Variants in MYO7A observed in about 807,000 individuals in gnomAD.
MYO7A encodes the protein myosin VIIA.
In MYO7A, 210 loss-of-function variants were observed where a neutral mutation model predicts 263.8. The observed-to-expected ratio is 0.80, with a 90% CI of 0.71 to 0.89. MYO7A has a LOEUF of 0.89. Among genes scored for constraint, MYO7A ranks in the 40% least tolerant of loss-of-function variants. The pLI is 0.00. For synonymous variants in MYO7A, 1,239 were observed against 1,197.3 expected (o/e 1.03, Z -0.72); for missense variants, 2,820 against 2,968.3 (o/e 0.95, Z 1.16).
chr11:77,150,820 G>T (rs117207823), intron 4 of MYO7A, among the ~76,000 whole-genome samples: 1 of 152,160 alleles, frequency 6.6e-6, no homozygotes, highest in Non-Finnish European at 1.5e-5. Context: ...TCCTTGACTC[G>T]CTGAGTTCAT....
chr11:77,190,583 G>T, intron 29 of MYO7A, 114 bp from the exon 30 acceptor site: 1 of 1,225,312 alleles, frequency 8.2e-7, no homozygotes, highest in South Asian at 1.4e-5. Context: ...TGAGGTACTG[G>T]GGCCTGGGGT....
chr11:77,208,098 GC>G (rs1957582013), intron 42 of MYO7A, among the ~76,000 whole-genome samples: 1 of 152,256 alleles, frequency 6.6e-6, no homozygotes, highest in Non-Finnish European at 1.5e-5. Flanking sequence ...ACCCAGGGGA[GC>G]CCAGAGCTGC....
intron 4 of MYO7A, among the ~76,000 whole-genome samples, chr11:77,153,774 C>G (rs568590353): frequency 6.6e-6 from 1 of 152,150 alleles, no homozygotes; most frequent in Non-Finnish European, 1.5e-5. Flanking sequence ...TTGCTACCAG[C>G]GGCTGGGCCC....
chr11:77,179,420 A>G (rs1364125192), intron 20 of MYO7A, among the ~76,000 whole-genome samples: 2 of 152,210 alleles, frequency 1.3e-5, no homozygotes, highest in Non-Finnish European at 2.9e-5. Context: ...GCTGGGTCAC[A>G]TGGACCTCTG....
rs79174313 is a variant in MYO7A, at chr11:77,155,687, A to G, written c.286-220A>G. ...AGAGACTCCACCTCCCTCTTCATCA[A>G]ATGTCACTGAGCACTAACTCCGAGC... On this transcript the variant is annotated intron_variant, in intron 4 of 48. Coordinates refer to ENST00000409709, the MANE Select transcript of MYO7A (RefSeq NM_000260.4). Among the ~76,000 whole-genome samples, 338 of 152,348 alleles carry G rather than the reference A, an allele frequency of 2.2e-3. 2 individuals are homozygous for G. Among genetic ancestry groups the G allele is most frequent in the African/African-American group, 7.8e-3 (326 of 41,580 alleles).
intron 2 of MYO7A, among the ~76,000 whole-genome samples, chr11:77,133,153 C>T (rs1319953041): frequency 6.6e-6 from 1 of 152,166 alleles, no homozygotes; most frequent in Admixed American, 6.5e-5. Flanking sequence ...CTTCTGCCCT[C>T]CCTGGGAGAG....
rs1957072020 is a variant in MYO7A, at chr11:77,201,646, G to A, written c.5043+8G>A. On this transcript the variant is annotated splice_region_variant and intron_variant, in intron 36 of 48. Transcript: ENST00000409709. ...CCACCGCGGGAGATTGTGGTATGTG[G>A]CCTGGGGGTGGCAGATGGGTGGGAG... 8.1e-6 allele frequency: 13 copies of A among 1,610,660 alleles called. No individual in the cohort carries two copies. Among genetic ancestry groups the A allele is most frequent in the Non-Finnish European group, 1.1e-5 (13 of 1,177,400 alleles).
intron 15 of MYO7A, 92 bp downstream of exon 15, chr11:77,166,254 G>A (rs1402754468): frequency 9.0e-7 from 1 of 1,109,470 alleles, no homozygotes; most frequent in African/African-American, 1.5e-5. Context: ...CTTCAGCTGA[G>A]CCCCCTGGCC....
intron 2 of MYO7A, among the ~76,000 whole-genome samples, chr11:77,134,995 G>GT (rs1950869976): frequency 1.3e-5 from 2 of 151,902 alleles, no homozygotes; most frequent in Non-Finnish European, 2.9e-5. Flanking sequence ...ATGTTGGCCA[G>GT]GCTGGTCTTG....
At chr11:77,213,513 G>T (rs1957996771) in intron 47 of MYO7A, among the ~76,000 whole-genome samples, 1 of 152,092 alleles carries the variant, frequency 6.6e-6, no homozygotes, top group Admixed American at 6.5e-5. Flanking sequence ...TTTGGTGCCT[G>T]CTCCTGTACA....
At position 77,132,489 on chromosome 11, in the gene MYO7A, T is replaced by G. The variant is rs190322474; in HGVS notation, c.18+1837T>G. On this transcript the variant is annotated intron_variant, in intron 2 of 48. Transcript: ENST00000409709. ...GGGTTTTGTTTGTTTGTTTGTTTGT[T>G]TGTGTGTGTGTTTGTTTTGAGACAG... Among the ~76,000 whole-genome samples the G allele has an allele frequency of 3.7e-3, 568 of 152,054 alleles. 2 individuals carry two copies. Among genetic ancestry groups the G allele is most frequent in the Admixed American group, 8.3e-3 (126 of 15,258 alleles).
Position 77,182,413 on chromosome 11 carries a change from C to T in MYO7A, c.3109-11C>T. ...TCCGCTCTGGCCTCTGACATGCGCG[C>T]TCTGCCCCAGGCAGCCCTGGCGGTC... On this transcript the variant is annotated splice_polypyrimidine_tract_variant and intron_variant, in intron 24 of 48. Transcript: ENST00000409709. The T allele has an allele frequency of 6.2e-7, 1 of 1,609,272 alleles. No individual in the cohort carries two copies. Among genetic ancestry groups the T allele is most frequent in the Non-Finnish European group, 8.5e-7 (1 of 1,177,738 alleles).
At chr11:77,149,456 G>T (rs1481677901) in intron 4 of MYO7A, among the ~76,000 whole-genome samples, 1 of 152,240 alleles carries the variant, frequency 6.6e-6, no homozygotes, top group Non-Finnish European at 1.5e-5. Context: ...GGCCATGCTG[G>T]CAAGCGATCG....
At position 77,160,272 on chromosome 11, in the gene MYO7A, C is replaced by T; in HGVS notation, c.1190C>T (p.Ala397Val). ...SREQALDVRD[A>V]FVKGIYGRLF... Reference sequence around the variant, plus strand: ...GAACAGGCACTGGACGTGCGCGACGCCTTCGTAAAGGTGGGCTGGAGGGAA... The same window carrying T: ...GAACAGGCACTGGACGTGCGCGACGTCTTCGTAAAGGTGGGCTGGAGGGAA... Residue 397 changes from alanine (A) to valine (V), a missense_variant, in exon 11 of 49, where the codon GCC (alanine) becomes GTC (valine). By Grantham distance (64) the Ala-to-Val change is moderately conservative (BLOSUM62 0). Coordinates refer to ENST00000409709, the MANE Select transcript of MYO7A (RefSeq NM_000260.4). The T allele has an allele frequency of 6.4e-7, 1 of 1,563,886 alleles. No individual in the cohort carries two copies.
chr11:77,203,001 G>C (rs551115299), intron 37 of MYO7A, 59 bp from the exon 38 acceptor site: 3 of 1,531,586 alleles, frequency 2.0e-6, no homozygotes, highest in African/African-American at 2.7e-5. Context: ...ACAACCTGGG[G>C]GTTTCTCCCC....
rs116479494 is a variant in MYO7A, at chr11:77,214,258, G to A, written c.6558+279G>A. The stretch of plus-strand genomic sequence containing the variant: ...CACTGTGACAGCCCTTTAGCCCCCC[G>A]AGTTCAACAGTGGAACCATTAACAA... On this transcript the variant is annotated intron_variant, in intron 48 of 48. Coordinates refer to ENST00000409709, the MANE Select transcript of MYO7A (RefSeq NM_000260.4). Among the ~76,000 whole-genome samples the A allele has an allele frequency of 9.6e-3, 1,459 of 152,266 alleles. 30 individuals are homozygous for A. The highest frequency in any genetic ancestry group is 0.034 in the African/African-American group (1,392 of 41,544).
intron 47 of MYO7A, 41 bp from the exon 48 acceptor site, chr11:77,213,819 G>C: frequency 6.2e-7 from 1 of 1,613,614 alleles, no homozygotes; most frequent in Non-Finnish European, 8.5e-7. Context: ...GAGGCCACAG[G>C]GCCCAGGCCG....
intron 2 of MYO7A, among the ~76,000 whole-genome samples, chr11:77,134,093 C>A (rs1317490922): frequency 6.1e-5 from 9 of 148,648 alleles, no homozygotes; most frequent in Non-Finnish European, 1.2e-4. Flanking sequence ...CCATACCTGG[C>A]TAATTTTTTT....
chr11:77,184,704 G>C lies in MYO7A; in HGVS notation c.3492G>C (p.Arg1164=). Residue 1164 remains arginine (R), a synonymous_variant, in exon 27 of 49, where the codon CGG becomes CGC. Transcript: ENST00000409709. ...TCATCATCGGCAATGGCATCCTGCG[G>C]CCAGCACTCCGGTCAGTGCCGGGAG... ...LHFIIGNGIL[R]PALRDEIYCQ... The C allele has an allele frequency of 6.2e-7, 1 of 1,600,396 alleles. No individual in the cohort carries two copies. Among genetic ancestry groups the C allele is most frequent in the Non-Finnish European group, 8.5e-7 (1 of 1,173,128 alleles).
Sources: allele counts gnomAD v4.1 joint callset (sites outside exome capture counted in the v4.1 genomes callset), GRCh38; gene constraint gnomAD v4.1.1; transcripts MANE v1.5; gene names NCBI Gene and HGNC (gene_info 2026-07-23, HGNC 2026-07-21).